Variants in PRIM2 observed in about 807,000 individuals in gnomAD.
The protein encoded by PRIM2 is DNA primase large subunit.
Under a neutral mutation model 67.3 loss-of-function variants are expected in PRIM2, and 39 were observed. The observed-to-expected ratio is 0.58, with a 90% CI of 0.45 to 0.76. PRIM2 has a LOEUF of 0.76. Among genes scored for constraint, PRIM2 ranks in the 30% least tolerant of loss-of-function variants. PRIM2 has a pLI of 0.00. For missense variants in PRIM2, 398 were observed against 598.7 expected, an observed-to-expected ratio of 0.66 and a Z score of 3.50; for synonymous variants, 143 against 198.7, an observed-to-expected ratio of 0.72 and a Z score of 2.36.
intron 3 of PRIM2, among the ~76,000 whole-genome samples, chr6:57,323,166 ATGTT>A (rs1286116209): frequency 6.6e-6 from 1 of 151,876 alleles, no homozygotes; most frequent in Non-Finnish European, 1.5e-5. Flanking sequence ...TGCTCAAGAC[ATGTT>A]TGTTCTTATT....
At chr6:57,281,653 C>G in the PRIM2 span, among the ~76,000 whole-genome samples, 7 of 152,188 alleles carry the variant, frequency 4.6e-5, no homozygotes, top group East Asian at 1.3e-3. Flanking sequence ...AGTGCATTAC[C>G]CTGGAGGAGT....
intron 7 of PRIM2, among the ~76,000 whole-genome samples, chr6:57,399,983 G>A (rs775937454): frequency 3.0e-4 from 46 of 152,256 alleles, no homozygotes; most frequent in Non-Finnish European, 4.7e-4. Context: ...TGAGCCTATG[G>A]TTGTCATTAC....
chr6:57,431,260 A>G (rs1771819241), intron 7 of PRIM2, among the ~76,000 whole-genome samples: 1 of 150,068 alleles, frequency 6.7e-6, no homozygotes, highest in South Asian at 2.1e-4. Flanking sequence ...AAGCATTGCC[A>G]TTTCTCTGGT....
intron 5 of PRIM2, among the ~76,000 whole-genome samples, chr6:57,377,291 A>G (rs1769800565): frequency 1.3e-5 from 2 of 152,126 alleles, no homozygotes; most frequent in Admixed American, 1.3e-4. Context: ...AAATCATATA[A>G]TCTGCAAATA....
intron 7 of PRIM2, among the ~76,000 whole-genome samples, chr6:57,390,846 T>C (rs1581856128): frequency 6.6e-6 from 1 of 152,202 alleles, no homozygotes; most frequent in Non-Finnish European, 1.5e-5. Context: ...GCAATGAACA[T>C]TGGTGTACAT....
At chr6:57,514,848 A>G (rs1326783176) in intron 8 of PRIM2, among the ~76,000 whole-genome samples, 79 of 152,264 alleles carry the variant, frequency 5.2e-4, no homozygotes, top group African/African-American at 1.8e-3. Context: ...CAAAATTTAT[A>G]AACAGTACCC....
chr6:57,509,015 G>A (rs1774305391), intron 8 of PRIM2, among the ~76,000 whole-genome samples: 1 of 152,026 alleles, frequency 6.6e-6, no homozygotes, highest in Non-Finnish European at 1.5e-5. Context: ...TTTCAGAAGT[G>A]TGGATAGATT....
intron 7 of PRIM2, among the ~76,000 whole-genome samples, chr6:57,474,413 A>G (rs1773424019): frequency 6.6e-6 from 1 of 151,960 alleles, no homozygotes; most frequent in African/African-American, 2.4e-5. Flanking sequence ...TGACCTCGTG[A>G]TCTGCCCGCC....
intron 7 of PRIM2, among the ~76,000 whole-genome samples, chr6:57,416,420 A>T (rs1254047542): frequency 2.6e-5 from 4 of 152,142 alleles, no homozygotes; most frequent in African/African-American, 9.7e-5. Flanking sequence ...GCACAAGCAG[A>T]GTGGATTTGG....
chr6:57,326,215 A>G (rs1193058456), intron 5 of PRIM2, 170 bp downstream of exon 5: 3 of 533,332 alleles, frequency 5.6e-6, no homozygotes, highest in African/African-American at 8.4e-5. Context: ...CTCTATGACT[A>G]GAAGAAAAGG....
At chr6:57,619,354 A>C (rs1326061736) in intron 12 of PRIM2, among the ~76,000 whole-genome samples, 1 of 152,226 alleles carries the variant, frequency 6.6e-6, no homozygotes, top group Non-Finnish European at 1.5e-5. Flanking sequence ...TGACCAAACA[A>C]GGCTCATCAA....
intron 7 of PRIM2, among the ~76,000 whole-genome samples, chr6:57,423,262 C>T (rs1167978598): frequency 6.6e-6 from 1 of 152,018 alleles, no homozygotes; most frequent in African/African-American, 2.4e-5. Flanking sequence ...TTTTCATAGA[C>T]GTTTGCATGC....
intron 7 of PRIM2, among the ~76,000 whole-genome samples, chr6:57,489,722 C>CT (rs1773846288): frequency 6.6e-6 from 1 of 152,278 alleles, no homozygotes; most frequent in South Asian, 2.1e-4. Flanking sequence ...TTAATATAGG[C>CT]TGTTGGCTCC....
At chr6:57,573,783 G>T (rs1212038418) in intron 10 of PRIM2, among the ~76,000 whole-genome samples, 5 of 152,206 alleles carry the variant, frequency 3.3e-5, no homozygotes, top group African/African-American at 4.8e-5. Flanking sequence ...ATCCCTTAAT[G>T]TAATTAAATA....
chr6:57,312,578 C>A (rs1159058466), upstream of PRIM2, among the ~76,000 whole-genome samples: 1 of 152,114 alleles, frequency 6.6e-6, no homozygotes, highest in African/African-American at 2.4e-5. Flanking sequence ...AATGATCAAT[C>A]TTTCTCTTTT....
At chr6:57,389,258 A>AC in intron 7 of PRIM2, among the ~76,000 whole-genome samples, 1 of 152,154 alleles carries the variant, frequency 6.6e-6, no homozygotes, top group Non-Finnish European at 1.5e-5. Context: ...GCCTGTGCCA[A>AC]CAGTGCCTGG....
At chr6:57,465,421 A>T (rs1462177459) in intron 7 of PRIM2, among the ~76,000 whole-genome samples, 4 of 152,164 alleles carry the variant, frequency 2.6e-5, no homozygotes, top group African/African-American at 4.8e-5. Flanking sequence ...GACAATCTAG[A>T]GGTAGCATCC....
At chr6:57,326,214 T>A in intron 5 of PRIM2, 169 bp downstream of exon 5, 1 of 559,328 alleles carries the variant, frequency 1.8e-6, no homozygotes, top group Non-Finnish European at 2.7e-6. Flanking sequence ...TCTCTATGAC[T>A]AGAAGAAAAG....
chr6:57,524,122 G>A (rs1374623933), intron 8 of PRIM2, among the ~76,000 whole-genome samples: 1,632 of 152,208 alleles, frequency 0.011, 12 homozygotes, highest in Non-Finnish European at 0.018. Context: ...TCCAAAATTA[G>A]ATTGATTTAA....
Sources: allele counts gnomAD v4.1 joint callset (sites outside exome capture counted in the v4.1 genomes callset), GRCh38; gene constraint gnomAD v4.1.1; transcripts MANE v1.5; gene names NCBI Gene and HGNC (gene_info 2026-07-23, HGNC 2026-07-21).